The following DYSF variants were observed in gnomAD, a reference collection of about 807,000 sequenced individuals.
The protein encoded by DYSF is dysferlin.
DYSF carries 212 observed loss-of-function variants against 274.9 expected under a neutral mutation model. That is an observed-to-expected ratio of 0.77 (90% CI 0.69 to 0.86). The LOEUF (loss-of-function observed/expected upper bound fraction) is 0.86. Among genes scored for constraint, DYSF ranks in the 40% least tolerant of loss-of-function variants. The pLI is 0.00. For synonymous variants in DYSF, 1,091 were observed against 1,078.7 expected (o/e 1.01, Z -0.22); for missense variants, 2,666 against 2,783.2 (o/e 0.96, Z 0.95).
chr2:71,610,678 C>G (rs547026220), intron 36 of DYSF: 19 of 170,080 alleles, frequency 1.1e-4, no homozygotes, highest in Non-Finnish European at 2.3e-4. Flanking sequence ...TGTTCTCTTT[C>G]TGGCTCACAA....
intron 14 of DYSF, among the ~76,000 whole-genome samples, chr2:71,530,246 T>C (rs1164396758): frequency 6.6e-6 from 1 of 152,234 alleles, no homozygotes; most frequent in Non-Finnish European, 1.5e-5. Context: ...AGGACTAGGA[T>C]TAATTCTTCC....
In DYSF at chr2:71,515,739, A is replaced by T. The variant is rs2086585011; in HGVS notation, c.876A>T (p.Pro292=). The change falls in exon 8 of 56, where the codon CCA becomes CCT. Residue 292 remains proline (P), a synonymous_variant. Transcript: ENST00000410020. ...KRTRIHKGNS[P]LFNETLFFNL... ...CGCGGATCCACAAGGGAAACAGCCCACTCTTCAATGAGGTGGGAGACATGG... is the reference window on the plus strand; with the variant it reads ...CGCGGATCCACAAGGGAAACAGCCCTCTCTTCAATGAGGTGGGAGACATGG... 1 of 1,613,902 alleles carries T rather than the reference A, an allele frequency of 6.2e-7. No homozygotes were observed. Among genetic ancestry groups the T allele is most frequent in the East Asian group, 2.2e-5 (1 of 44,848 alleles).
chr2:71,466,204 G>A (rs1401601969), upstream of DYSF, among the ~76,000 whole-genome samples: 3 of 152,156 alleles, frequency 2.0e-5, no homozygotes, highest in African/African-American at 7.2e-5. Flanking sequence ...GAGGCGAGAG[G>A]CAATGAGGCG....
chr2:71,586,992 G>A (rs1203804938), intron 30 of DYSF, among the ~76,000 whole-genome samples: 2 of 152,184 alleles, frequency 1.3e-5, no homozygotes, highest in Non-Finnish European at 2.9e-5. Context: ...GCAGCTAGAG[G>A]TGCTGAGATG....
At chr2:71,578,076 T>C (rs2092771732) in intron 30 of DYSF, among the ~76,000 whole-genome samples, 1 of 152,196 alleles carries the variant, frequency 6.6e-6, no homozygotes, top group Admixed American at 6.5e-5. Context: ...TGACGATGCA[T>C]GTAGTGAAGC....
chr2:71,669,756 C>T lies in DYSF; in HGVS notation c.5784+10C>T, dbSNP rs758268866. 13 of 1,614,200 alleles carry T rather than the reference C, an allele frequency of 8.1e-6. No homozygotes were observed. Among genetic ancestry groups the T allele is most frequent in the South Asian group, 6.6e-5 (6 of 91,082 alleles). On this transcript the variant is annotated intron_variant, in intron 51 of 55. Transcript: ENST00000410020. ...TACCATTGCCAAGAAGGTCAGTGTC[C>T]TTCCGATTCCCTGTGGTGCCAGCAC...
intron 4 of DYSF, among the ~76,000 whole-genome samples, chr2:71,508,704 G>A (rs2085759953): frequency 1.3e-5 from 2 of 152,186 alleles, no homozygotes; most frequent in Admixed American, 6.5e-5. Context: ...ACTGTTAACT[G>A]TGATCATTTG....
rs1397026686 is a variant in DYSF at position 71,543,668 on chromosome 2, C to G, written c.1576+4429C>G. Among the ~76,000 whole-genome samples, 4 of 152,182 alleles carry G rather than the reference C, an allele frequency of 2.6e-5. No homozygotes were observed. The East Asian group carries it at 7.7e-4, about 29-fold the overall frequency. Reference sequence around the variant, plus strand: ...CGCGGTTAGGAGCTGGAGACCAGCCCGGCCAACACAGCGAAACCCCATCTC... The same window carrying G: ...CGCGGTTAGGAGCTGGAGACCAGCCGGGCCAACACAGCGAAACCCCATCTC... On this transcript the variant is annotated intron_variant, in intron 17 of 55. Coordinates refer to ENST00000410020, the MANE Select transcript of DYSF (RefSeq NM_001130987.2).
chr2:71,520,713 ATCC>A (rs1339927346), intron 11 of DYSF, 73 bp from the exon 12 acceptor site: 4 of 1,327,918 alleles, frequency 3.0e-6, no homozygotes, highest in Non-Finnish European at 4.3e-6. Flanking sequence ...TGTGCAGTCC[ATCC>A]TGGGTTCCCG....
At chr2:71,621,897 G>C (rs1009974196) in intron 41 of DYSF, among the ~76,000 whole-genome samples, 13 of 151,956 alleles carry the variant, frequency 8.6e-5, no homozygotes, top group Admixed American at 2.0e-4. Flanking sequence ...CTGATCTCAT[G>C]ATCTGCCCGC....
rs1558749549 is a variant in DYSF at position 71,658,861 on chromosome 2, C to G, written c.4756-17C>G. 1.9e-6 allele frequency: 3 copies of G among 1,614,066 alleles called. No individual in the cohort carries two copies. Among genetic ancestry groups the G allele is most frequent in the Non-Finnish European group, 2.5e-6 (3 of 1,179,968 alleles). On this transcript the variant is annotated splice_polypyrimidine_tract_variant and intron_variant, in intron 43 of 55. Transcript: ENST00000410020. ...CAATGATGATAAAAATGAAAATTAA[C>G]CCTTCCTTCTTTTCAGGGCCTCTTC...
At chr2:71,660,805 G>GT (rs949201778) in intron 45 of DYSF, among the ~76,000 whole-genome samples, 154 bp downstream of exon 45, 16 of 152,178 alleles carry the variant, frequency 1.1e-4, no homozygotes, top group African/African-American at 3.9e-4. Context: ...CATAGCCTCA[G>GT]TTAGCCCTTC....
intron 20 of DYSF, 61 bp from the exon 21 acceptor site, chr2:71,553,746 C>T (rs1176822099): frequency 5.6e-6 from 5 of 885,704 alleles, no homozygotes; most frequent in Admixed American, 4.1e-5. Context: ...GCACTCTTAG[C>T]ACCCCATCCC....
intron 17 of DYSF, among the ~76,000 whole-genome samples, chr2:71,540,797 G>A (rs2089860906): frequency 6.6e-6 from 1 of 151,368 alleles, no homozygotes; most frequent in African/African-American, 2.4e-5. Context: ...TATATATATG[G>A]ATATTAACTT....
Position 71,574,178 on chromosome 2 carries a change from CTGCCCCTT to C in DYSF, c.3229-19_3229-12del. The C allele has an allele frequency of 6.2e-7, 1 of 1,612,746 alleles. No homozygotes were observed. The highest frequency in any genetic ancestry group is 1.1e-5 in the South Asian group (1 of 91,080). ...CCAGCCTTCCCACCGGCCTCTGAGT[CTGCCCCTT>C]CTCTTGTGCAGCACAGGCAGGCGGA... On this transcript the variant is annotated splice_polypyrimidine_tract_variant and intron_variant, in intron 29 of 55. Transcript: ENST00000410020.
intron 23 of DYSF, 127 bp downstream of exon 23, chr2:71,562,071 A>G (rs2091813663): frequency 3.0e-6 from 4 of 1,335,680 alleles, no homozygotes; most frequent in African/African-American, 1.4e-5. Context: ...GACCTTGGGC[A>G]GGTGACTTAA....
intron 41 of DYSF, among the ~76,000 whole-genome samples, chr2:71,630,713 T>G (rs1224997180): frequency 6.6e-6 from 1 of 152,222 alleles, no homozygotes; most frequent in East Asian, 1.9e-4. Context: ...ATTTGAACTT[T>G]AGTGCCAGCT....
intron 41 of DYSF, among the ~76,000 whole-genome samples, chr2:71,638,360 G>GC (rs1553398933): frequency 5.3e-5 from 2 of 37,416 alleles, no homozygotes; most frequent in Non-Finnish European, 1.4e-4. Context: ...CCTCATCACT[G>GC]CAAAAAAAAA....
chr2:71,608,355 C>T lies in DYSF; in HGVS notation c.3958-2890C>T, dbSNP rs1002351504. Among the ~76,000 whole-genome samples the T allele has an allele frequency of 5.3e-5, 8 of 152,138 alleles. No homozygotes were observed. In the East Asian group the frequency reaches 1.5e-3, roughly 29 times the overall value. ...AAAATTGGGGAGGAGCATTTGGACGCATGGTCAGAGGGGGAGCCACAGAGG... is the reference window on the plus strand; with the variant it reads ...AAAATTGGGGAGGAGCATTTGGACGTATGGTCAGAGGGGGAGCCACAGAGG... On this transcript the variant is annotated intron_variant, in intron 36 of 55. Coordinates refer to ENST00000410020, the MANE Select transcript of DYSF (RefSeq NM_001130987.2).
Sources: allele counts gnomAD v4.1 joint callset (sites outside exome capture counted in the v4.1 genomes callset), GRCh38; gene constraint gnomAD v4.1.1; transcripts MANE v1.5; gene names NCBI Gene and HGNC (gene_info 2026-07-23, HGNC 2026-07-21).